Variants in KCNMB2 observed in about 807,000 individuals in gnomAD.
KCNMB2 encodes potassium calcium-activated channel subfamily M regulatory beta subunit 2.
A neutral mutation model predicts 24.5 loss-of-function variants in KCNMB2; 9 were observed. The ratio of observed to expected loss-of-function variants is 0.37; its 90% CI spans 0.22 to 0.64. The LOEUF (loss-of-function observed/expected upper bound fraction) is 0.64, where lower values mean the gene tolerates loss of function less well. Among genes scored for constraint, KCNMB2 ranks in the 30% least tolerant of loss-of-function variants. The pLI is 0.63. For synonymous variants in KCNMB2, 109 were observed against 104.4 expected (o/e 1.04, Z -0.27); for missense variants, 226 against 284.3 (o/e 0.79, Z 1.47).
At chr3:178,821,480 T>A (rs1012302045) in intron 2 of KCNMB2, among the ~76,000 whole-genome samples, 2 of 152,162 alleles carry the variant, frequency 1.3e-5, no homozygotes, top group African/African-American at 4.8e-5. Flanking sequence ...AAATGATAAT[T>A]TTTGTTTTAC....
At chr3:178,760,518 G>C (rs1424640864) in intron 1 of KCNMB2, among the ~76,000 whole-genome samples, 2 of 145,610 alleles carry the variant, frequency 1.4e-5, no homozygotes, top group Non-Finnish European at 3.0e-5. Flanking sequence ...GTGTGTGTGT[G>C]TGTGTGTGTG....
intron 1 of KCNMB2, among the ~76,000 whole-genome samples, chr3:178,611,007 G>A (rs898257840): frequency 6.6e-6 from 1 of 152,132 alleles, no homozygotes; most frequent in African/African-American, 2.4e-5. Flanking sequence ...AATAAATTTG[G>A]AAGTATTCGC....
intron 1 of KCNMB2, among the ~76,000 whole-genome samples, chr3:178,561,011 G>T (rs1268359441): frequency 6.6e-6 from 1 of 152,210 alleles, no homozygotes; most frequent in African/African-American, 2.4e-5. Context: ...AGGCTAAAAG[G>T]CATGCCATAT....
intron 1 of KCNMB2, among the ~76,000 whole-genome samples, chr3:178,557,410 T>G (rs1476830163): frequency 6.6e-6 from 1 of 152,186 alleles, no homozygotes; most frequent in Non-Finnish European, 1.5e-5. Flanking sequence ...AAAGGACTCC[T>G]GATGAATGGC....
intron 1 of KCNMB2, among the ~76,000 whole-genome samples, chr3:178,639,471 T>C (rs1397590951): frequency 1.3e-5 from 2 of 152,224 alleles, no homozygotes; most frequent in African/African-American, 4.8e-5. Context: ...AGTTGTGTTA[T>C]CGTGAGCAAA....
intron 1 of KCNMB2, among the ~76,000 whole-genome samples, chr3:178,603,981 C>G (rs1718186662): frequency 6.6e-6 from 1 of 152,132 alleles, no homozygotes; most frequent in Non-Finnish European, 1.5e-5. Context: ...AGAACCACCC[C>G]AAGGCAACTG....
intron 1 of KCNMB2, among the ~76,000 whole-genome samples, chr3:178,604,965 A>G (rs763979572): frequency 1.4e-4 from 21 of 152,180 alleles, no homozygotes; most frequent in Non-Finnish European, 2.5e-4. Flanking sequence ...GAATCATAAA[A>G]CTGATGAAAG....
At chr3:178,805,544 C>T (rs34584446) in intron 1 of KCNMB2, among the ~76,000 whole-genome samples, 15,952 of 152,248 alleles carry the variant, frequency 0.1, 948 homozygotes, top group Non-Finnish European at 0.13. Context: ...GCAATATCAG[C>T]ATCGCTTGAG....
chr3:178,677,180 A>G (rs1721098732), intron 1 of KCNMB2, among the ~76,000 whole-genome samples: 1 of 152,234 alleles, frequency 6.6e-6, no homozygotes, highest in Non-Finnish European at 1.5e-5. Flanking sequence ...AGCACTTGCC[A>G]CAACTCTGGG....
At chr3:178,698,718 T>G (rs1721974014) in intron 1 of KCNMB2, among the ~76,000 whole-genome samples, 1 of 152,264 alleles carries the variant, frequency 6.6e-6, no homozygotes, top group South Asian at 2.1e-4. Flanking sequence ...TCAGACTTCT[T>G]GTGCTGATTT....
intron 1 of KCNMB2, among the ~76,000 whole-genome samples, chr3:178,554,546 CTT>C (rs1716062125): frequency 6.6e-6 from 1 of 152,154 alleles, no homozygotes; most frequent in Non-Finnish European, 1.5e-5. Flanking sequence ...TCCTTTCTTT[CTT>C]TCTGATGTAG....
intron 1 of KCNMB2, among the ~76,000 whole-genome samples, chr3:178,703,533 C>G (rs966359326): frequency 6.6e-6 from 1 of 151,948 alleles, no homozygotes; most frequent in Non-Finnish European, 1.5e-5. Context: ...AGTAGCTGTT[C>G]GTGTTCATTA....
intron 1 of KCNMB2, among the ~76,000 whole-genome samples, chr3:178,672,630 C>A (rs1289306444): frequency 6.6e-6 from 1 of 152,216 alleles, no homozygotes; most frequent in Non-Finnish European, 1.5e-5. Flanking sequence ...TATGCTAACA[C>A]TGACTTCGTG....
chr3:178,672,370 G>A (rs1397290905), intron 1 of KCNMB2, among the ~76,000 whole-genome samples: 1 of 152,088 alleles, frequency 6.6e-6, no homozygotes, highest in African/African-American at 2.4e-5. Flanking sequence ...AGAGGCAGCT[G>A]GAATTACAAC....
At chr3:178,649,704 T>C (rs1025467680) in intron 1 of KCNMB2, among the ~76,000 whole-genome samples, 1 of 152,152 alleles carries the variant, frequency 6.6e-6, no homozygotes, top group African/African-American at 2.4e-5. Flanking sequence ...TTCTGTGGGA[T>C]CAGTGATGAT....
intron 1 of KCNMB2, among the ~76,000 whole-genome samples, chr3:178,608,146 A>C (rs1477902910): frequency 6.6e-6 from 1 of 152,210 alleles, no homozygotes; most frequent in Admixed American, 6.5e-5. Context: ...TCAAACTTCT[A>C]AAGTAAAGCA....
intron 1 of KCNMB2, among the ~76,000 whole-genome samples, chr3:178,790,783 G>A (rs1017141722): frequency 2.6e-5 from 4 of 152,196 alleles, no homozygotes; most frequent in Non-Finnish European, 4.4e-5. Context: ...TTTCTTCAGG[G>A]AAAAGTTAAG....
intron 1 of KCNMB2, among the ~76,000 whole-genome samples, chr3:178,660,976 T>C (rs1720504338): frequency 7.5e-6 from 1 of 132,748 alleles, no homozygotes. Context: ...TTTTTATATA[T>C]ACACATACAT....
chr3:178,769,159 A>T (rs1305125358), intron 1 of KCNMB2, among the ~76,000 whole-genome samples: 2 of 152,160 alleles, frequency 1.3e-5, no homozygotes, highest in Non-Finnish European at 2.9e-5. Context: ...CTTTTCACTC[A>T]TGGTGTGTAT....
Sources: allele counts gnomAD v4.1 joint callset (sites outside exome capture counted in the v4.1 genomes callset), GRCh38; gene constraint gnomAD v4.1.1; transcripts MANE v1.5; gene names NCBI Gene and HGNC (gene_info 2026-07-23, HGNC 2026-07-21).